The following TMEM132B variants were observed in gnomAD, a reference collection of about 807,000 sequenced individuals.
The protein encoded by TMEM132B is transmembrane protein 132B.
A neutral mutation model predicts 90.8 loss-of-function variants in TMEM132B; 18 were observed. That is an observed-to-expected ratio of 0.20 (90% CI 0.14 to 0.29). The LOEUF is 0.29. Among genes scored for constraint, TMEM132B ranks in the 10% least tolerant of loss-of-function variants. TMEM132B has a pLI of 1.00. For missense variants in TMEM132B, 1,096 were observed against 1,326.8 expected (o/e 0.83, Z 2.70); for synonymous variants, 504 against 523.3 (o/e 0.96, Z 0.50).
intron 4 of TMEM132B, among the ~76,000 whole-genome samples, chr12:125,555,132 T>C (rs940354750): frequency 6.6e-6 from 1 of 152,226 alleles, no homozygotes; most frequent in South Asian, 2.1e-4. Context: ...GTTTGTACTT[T>C]ATATGCTTAT....
At chr12:125,411,261 C>G (rs138867169) in intron 2 of TMEM132B, among the ~76,000 whole-genome samples, 56 of 148,054 alleles carry the variant, frequency 3.8e-4, no homozygotes, top group Admixed American at 7.6e-4. Context: ...CACACAAGAA[C>G]AGAAAACCAA....
rs148543179 is a variant in TMEM132B at position 125,474,706 on chromosome 12, G to A, written c.1107-44733G>A. ...ACCTTAGCACAAAGGGAAATGATTG[G>A]CTGATTTAACTGACAAGCGCAGGAT... On this transcript the variant is annotated intron_variant, in intron 3 of 8. Coordinates refer to ENST00000682704, the MANE Select transcript of TMEM132B (RefSeq NM_001366854.1). Among the ~76,000 whole-genome samples the A allele has an allele frequency of 6.7e-4, 102 of 152,316 alleles. 1 individual carries two copies. The South Asian group carries it at 9.1e-3, about 14-fold the overall frequency.
At chr12:125,535,040 A>G (rs564172382) in intron 4 of TMEM132B, among the ~76,000 whole-genome samples, 256 of 152,330 alleles carry the variant, frequency 1.7e-3, no homozygotes, top group Middle Eastern at 6.8e-3. Context: ...AAACAGCACC[A>G]TGAGACTTCT....
intron 2 of TMEM132B, among the ~76,000 whole-genome samples, chr12:125,361,121 A>G (rs538415094): frequency 1.2e-4 from 19 of 152,262 alleles, no homozygotes; most frequent in African/African-American, 4.6e-4. Context: ...AAGACACACT[A>G]CAGGGACACG....
rs1031791778 is a variant in TMEM132B, at chr12:125,460,513, T to TA, written c.1106+44845dup. Reference sequence around the variant, plus strand: ...TCTCAAAAAAATAAAAAGTAAAAAATAAAAAAAAATCTACCAAGAATACAT... The same window carrying TA: ...TCTCAAAAAAATAAAAAGTAAAAAATAAAAAAAAAATCTACCAAGAATACAT... On this transcript the variant is annotated intron_variant, in intron 3 of 8. Coordinates refer to ENST00000682704, the MANE Select transcript of TMEM132B (RefSeq NM_001366854.1). This position sits in a 1 kb window ranked among gnomAD's most constrained non-coding sequence, Gnocchi z 4.4. Among the ~76,000 whole-genome samples the TA allele has an allele frequency of 7.9e-5, 12 of 151,380 alleles. No homozygotes were observed. Among genetic ancestry groups the TA allele is most frequent in the East Asian group, 1.9e-4 (1 of 5,148 alleles).
intron 5 of TMEM132B, chr12:125,586,771 T>A (rs1006868689): frequency 2.6e-5 from 4 of 152,028 alleles, no homozygotes; most frequent in Non-Finnish European, 5.9e-5. Context: ...AGTATAAGAG[T>A]AGTGATGCTG....
intron 1 of TMEM132B, among the ~76,000 whole-genome samples, chr12:125,341,756 G>C (rs1045246272): frequency 4.6e-5 from 7 of 152,164 alleles, no homozygotes; most frequent in African/African-American, 9.7e-5. Flanking sequence ...ACTCTGAGGG[G>C]GCAGGTCCTA....
intron 5 of TMEM132B, among the ~76,000 whole-genome samples, chr12:125,639,687 G>T (rs1302969558): frequency 6.6e-6 from 1 of 152,200 alleles, no homozygotes; most frequent in Non-Finnish European, 1.5e-5. Context: ...AATAGGAAGA[G>T]TCTAAGTAAT....
rs1555235580 is a variant in TMEM132B, at chr12:125,277,502, A to AACACATACACACACACAC, written c.68-71945_68-71944insTACACACACACACACACA. ...TCAAAAAAAAAAGATGAAGAGGGAG[A>AACACATACACACACACAC]ACACACACACACACACACACACACA... is the stretch of plus-strand genomic sequence containing the variant. On this transcript the variant is annotated intron_variant, in intron 1 of 8. Transcript: ENST00000682704. The surrounding 1 kb of genome is among the most constrained non-coding windows in gnomAD (Gnocchi z 4.3). Among the ~76,000 whole-genome samples, 23 of 143,180 alleles carry AACACATACACACACACAC rather than the reference A, an allele frequency of 1.6e-4. No individual in the cohort carries two copies. The highest frequency in any genetic ancestry group is 4.5e-4 in the South Asian group (2 of 4,410). 93.9% of individuals were successfully genotyped at this position (143,180 alleles called of 152,430 possible).
intron 1 of TMEM132B, among the ~76,000 whole-genome samples, chr12:125,227,486 G>A (rs1377925268): frequency 6.6e-6 from 1 of 152,044 alleles, no homozygotes; most frequent in Non-Finnish European, 1.5e-5. Context: ...TGTGCTCTGT[G>A]GGCTCTTGTG....
At chr12:125,201,890 T>C (rs974315326) in intron 1 of TMEM132B, among the ~76,000 whole-genome samples, 3 of 152,230 alleles carry the variant, frequency 2.0e-5, no homozygotes, top group African/African-American at 7.2e-5. Context: ...GTCGTCTCTG[T>C]GGTGTTGCTC....
chr12:125,275,784 G>A (rs921626226), intron 1 of TMEM132B, among the ~76,000 whole-genome samples: 1 of 152,172 alleles, frequency 6.6e-6, no homozygotes, highest in African/African-American at 2.4e-5. Context: ...TGTGATAACA[G>A]TTCACTGCAG....
chr12:125,643,077 G>C (rs1214488281), intron 5 of TMEM132B, among the ~76,000 whole-genome samples: 2 of 152,182 alleles, frequency 1.3e-5, no homozygotes, highest in African/African-American at 4.8e-5. Flanking sequence ...AGTTGGGCAC[G>C]TGTGTCTGGG....
chr12:125,308,146 T>G (rs1876040401), intron 1 of TMEM132B, among the ~76,000 whole-genome samples: 1 of 133,948 alleles, frequency 7.5e-6, no homozygotes, highest in African/African-American at 2.6e-5. Flanking sequence ...ATACATATAC[T>G]ATATATAGTA....
intron 6 of TMEM132B, among the ~76,000 whole-genome samples, chr12:125,645,662 G>C (rs1011250216): frequency 1.4e-4 from 22 of 152,342 alleles, no homozygotes; most frequent in African/African-American, 5.3e-4. Flanking sequence ...CCAGATAAGA[G>C]ACCAGCCCAG....
rs114698549 is a variant in TMEM132B at position 125,424,874 on chromosome 12, C to T, written c.1106+9197C>T. Among the ~76,000 whole-genome samples, 1,128 of 152,082 alleles carry T rather than the reference C, an allele frequency of 7.4e-3. 14 individuals carry two copies. Among genetic ancestry groups the T allele is most frequent in the African/African-American group, 0.025 (1,047 of 41,482 alleles). On this transcript the variant is annotated intron_variant, in intron 3 of 8. Coordinates refer to ENST00000682704, the MANE Select transcript of TMEM132B (RefSeq NM_001366854.1). ...GGGAGGAGGGTGAATGAGGGGTAGG[C>T]GGATGACAAATTACTAAGAGGAGAC...
intron 1 of TMEM132B, among the ~76,000 whole-genome samples, chr12:125,212,059 G>C (rs1275945684): frequency 1.3e-5 from 2 of 152,192 alleles, no homozygotes; most frequent in Non-Finnish European, 2.9e-5. Context: ...GCAGCCTTCT[G>C]CCATAGGTAG....
intron 5 of TMEM132B, among the ~76,000 whole-genome samples, chr12:125,639,120 C>A (rs1279197801): frequency 6.6e-6 from 1 of 152,150 alleles, no homozygotes; most frequent in Non-Finnish European, 1.5e-5. Flanking sequence ...TGGCTCTGAT[C>A]TTTATTTTGC....
chr12:125,546,997 A>G (rs1190976312), intron 4 of TMEM132B, among the ~76,000 whole-genome samples: 1 of 152,154 alleles, frequency 6.6e-6, no homozygotes, highest in Non-Finnish European at 1.5e-5. Context: ...ATAAAGGGGG[A>G]AGCCCCTTAT....
Sources: allele counts gnomAD v4.1 joint callset (sites outside exome capture counted in the v4.1 genomes callset), GRCh38; gene constraint gnomAD v4.1.1; non-coding constraint Gnocchi (gnomAD v3.1); transcripts MANE v1.5; gene names NCBI Gene and HGNC (gene_info 2026-07-23, HGNC 2026-07-21).